The following UQCRC2 variants were observed in gnomAD, a reference collection of about 807,000 sequenced individuals.
UQCRC2 encodes the protein cytochrome b-c1 complex subunit 2, mitochondrial.
In UQCRC2, 49 loss-of-function variants were observed where a neutral mutation model predicts 55.6. The ratio of observed to expected loss-of-function variants is 0.88; its 90% CI spans 0.70 to 1.12. The LOEUF (loss-of-function observed/expected upper bound fraction) is 1.12. UQCRC2 is among the 50% of genes most tolerant of loss of function. The probability of loss-of-function intolerance (pLI) is 0.00; values close to 1 mark genes in which losing one functional copy is unlikely to be tolerated. For synonymous variants in UQCRC2, 193 were observed against 192.0 expected, an observed-to-expected ratio of 1.01 and a Z score of -0.04; for missense variants, 506 against 547.8, an observed-to-expected ratio of 0.92 and a Z score of 0.76.
chr16:21,964,843 C>G (rs1317574659), intron 6 of UQCRC2, among the ~76,000 whole-genome samples: 4 of 152,128 alleles, frequency 2.6e-5, no homozygotes, highest in African/African-American at 9.7e-5. Flanking sequence ...CACAGTGCCT[C>G]GCATAGGCAA....
chr16:21,965,410 G>A lies in UQCRC2; in HGVS notation c.517G>A (p.Val173Ile). 6.2e-7 allele frequency: 1 copy of A among 1,613,746 alleles called. No individual in the cohort carries two copies. Among genetic ancestry groups the A allele is most frequent in the Non-Finnish European group, 8.5e-7 (1 of 1,179,808 alleles). Reference sequence around the variant, plus strand: ...ATGCTTCTTCACTTATCTCACAGATGTCATTGAAAATTTGCATGCAGCAGC... The same window carrying A: ...ATGCTTCTTCACTTATCTCACAGATATCATTGAAAATTTGCATGCAGCAGC... ...AVAFQNPQTH[V>I]IENLHAAAYR... The change falls in exon 7 of 14, where the codon GTC becomes ATC. Residue 173 changes from valine (V) to isoleucine (I), a missense_variant and splice_region_variant. Physicochemically the swap from Val to Ile is conservative, Grantham distance 29. Transcript: ENST00000268379.
At chr16:21,955,269 C>T (rs1205691648) in intron 1 of UQCRC2, among the ~76,000 whole-genome samples, 2 of 152,024 alleles carry the variant, frequency 1.3e-5, no homozygotes, top group East Asian at 1.9e-4. Context: ...AAATTGATGA[C>T]GATAAAGTAA....
chr16:21,968,660 T>C lies in UQCRC2; in HGVS notation c.645T>C (p.Ser215=). Residue 215 remains serine, a synonymous_variant, in exon 8 of 14, where the codon AGT becomes AGC. Transcript: ENST00000268379. The stretch of plus-strand genomic sequence containing the variant: ...ACTTCGTTCAGAACCATTTCACAAG[T>C]GCAAGAATGGCTTTGATTGGACTTG... The part of the protein sequence containing the change: ...LHYFVQNHFT[S]ARMALIGLGV... 6.2e-7 allele frequency: 1 copy of C among 1,610,034 alleles called. No individual in the cohort carries two copies. Among genetic ancestry groups the C allele is most frequent in the Non-Finnish European group, 8.5e-7 (1 of 1,177,880 alleles).
chr16:21,957,736 A>G (rs749417011), intron 3 of UQCRC2, among the ~76,000 whole-genome samples, 170 bp downstream of exon 3: 7 of 152,230 alleles, frequency 4.6e-5, no homozygotes, highest in Non-Finnish European at 1.0e-4. Context: ...ACAGTTCTAG[A>G]GGCTAGAAGT....
intron 11 of UQCRC2, 62 bp downstream of exon 11, chr16:21,974,038 C>A: frequency 6.8e-7 from 1 of 1,469,760 alleles, no homozygotes; most frequent in Non-Finnish European, 9.4e-7. Context: ...CCGCCATAAA[C>A]ATGTTTTCGG....
rs145777261 is a variant in UQCRC2, at chr16:21,974,357, C to T, written c.1047+381C>T. On this transcript the variant is annotated intron_variant, in intron 11 of 13. Transcript: ENST00000268379. ...TGATTGTAGGAAAAGAAAACTAAAG[C>T]TCAATTTCTGGGAAACAACACCATT... Among the ~76,000 whole-genome samples, 6 of 152,170 alleles carry T rather than the reference C, an allele frequency of 3.9e-5. No individual in the cohort carries two copies. The East Asian group carries it at 1.2e-3, about 29-fold the overall frequency.
In UQCRC2 at chr16:21,971,719, C is replaced by G; in HGVS notation, c.766+99C>G. On this transcript the variant is annotated intron_variant, in intron 9 of 13. Transcript: ENST00000268379. ...ATAGGCCTGAATATTTACTACTGAA[C>G]AGTCTCGGCATAGAATTGGATGGCT... is the stretch of plus-strand genomic sequence containing the variant. 4 of 1,362,606 alleles carry G rather than the reference C, an allele frequency of 2.9e-6. No individual in the cohort carries two copies. In the South Asian group the frequency reaches 3.7e-5, roughly 13 times the overall value. The allele number at this position is 1,362,606 out of a possible 1,614,324, so 84.4% of individuals were successfully genotyped here.
Position 21,957,566 on chromosome 16 carries a change from G to T in UQCRC2, c.267G>T (p.Leu89=). 1 of 1,613,812 alleles carries T rather than the reference G, an allele frequency of 6.2e-7. No individual in the cohort carries two copies. The highest frequency in any genetic ancestry group is 8.5e-7 in the Non-Finnish European group (1 of 1,179,936). ...ATTTGCTGCGTCTTACATCCAGTCT[G>T]GTGAGTATCTTCACTTCCTCAAGTG... The part of the protein sequence containing the change: ...TTHLLRLTSS[L]TTKGASSFKI... The change falls in exon 3 of 14, where the codon CTG becomes CTT. Residue 89 remains leucine, a splice_region_variant and synonymous_variant. Coordinates refer to ENST00000268379, the MANE Select transcript of UQCRC2 (RefSeq NM_003366.4).
At chr16:21,981,036 G>T (rs1898713011) in intron 13 of UQCRC2, among the ~76,000 whole-genome samples, 1 of 152,100 alleles carries the variant, frequency 6.6e-6, no homozygotes, top group Non-Finnish European at 1.5e-5. Context: ...TTTATAAAAT[G>T]GGCTTATGTT....
intron 6 of UQCRC2, 56 bp downstream of exon 6, chr16:21,962,941 C>G (rs953751720): frequency 1.4e-5 from 22 of 1,538,690 alleles, no homozygotes; most frequent in Middle Eastern, 1.8e-4. Context: ...TTTAGAAGAT[C>G]AATTTATAGA....
intron 4 of UQCRC2, chr16:21,959,370 C>G (rs1360244688): frequency 7.3e-6 from 2 of 274,828 alleles, no homozygotes; most frequent in African/African-American, 2.3e-5. Context: ...GGAGCAGATT[C>G]TATCTCAAGA....
Position 21,962,770 on chromosome 16 carries a change from A to G in UQCRC2, c.399A>G (p.Leu133=), listed in dbSNP as rs1391040700. ...VECLRGDVDI[L]MEFLLNVTTA... ...TCGATGTCTTCTGTAGTGATATTCT[A>G]ATGGAGTTCCTGCTCAATGTCACCA... is the stretch of plus-strand genomic sequence containing the variant. The change falls in exon 6 of 14, where the codon CTA becomes CTG. Residue 133 remains leucine, a synonymous_variant. Transcript: ENST00000268379. The G allele has an allele frequency of 1.9e-6, 3 of 1,614,134 alleles. No homozygotes were observed. Among genetic ancestry groups the G allele is most frequent in the South Asian group, 1.1e-5 (1 of 91,080 alleles).
Position 21,958,517 on chromosome 16 carries a change from C to T in UQCRC2, c.268-18C>T. 6.2e-7 allele frequency: 1 copy of T among 1,610,378 alleles called. No homozygotes were observed. Among genetic ancestry groups the T allele is most frequent in the Non-Finnish European group, 8.5e-7 (1 of 1,177,968 alleles). ...GGCATTGAAAAGCTACAAAGATAAT[C>T]ATTCTTTCTTTTTCAAGACGACAAA... is the stretch of plus-strand genomic sequence containing the variant. On this transcript the variant is annotated intron_variant, in intron 3 of 13. Transcript: ENST00000268379.
intron 12 of UQCRC2, 167 bp from the exon 13 acceptor site, chr16:21,980,380 T>A: frequency 2.8e-6 from 2 of 727,026 alleles, no homozygotes; most frequent in Non-Finnish European, 4.4e-6. Flanking sequence ...TTTAGTATGT[T>A]CCAGAGAAGG....
At chr16:21,973,686 A>C (rs1470517054) in intron 10 of UQCRC2, among the ~76,000 whole-genome samples, 1 of 152,222 alleles carries the variant, frequency 6.6e-6, no homozygotes, top group Non-Finnish European at 1.5e-5. Flanking sequence ...CATTTTAGAA[A>C]TATTTAAATG....
intron 9 of UQCRC2, 36 bp downstream of exon 9, chr16:21,971,656 A>G (rs772967686): frequency 5.6e-6 from 9 of 1,597,492 alleles, no homozygotes; most frequent in Non-Finnish European, 7.7e-6. Context: ...AATTTATCAG[A>G]AGGGCGTTTC....
At position 21,962,838 on chromosome 16, in the gene UQCRC2, C is replaced by T; in HGVS notation, c.467C>T (p.Pro156Leu). 6.2e-7 allele frequency: 1 copy of T among 1,614,096 alleles called. No individual in the cohort carries two copies. Among genetic ancestry groups the T allele is most frequent in the South Asian group, 1.1e-5 (1 of 91,076 alleles). ...CGTTGGGAAGTAGCTGACCTTCAGC[C>T]TCAGCTAAAGATTGACAAAGCTGTG... ...FRRWEVADLQ[P>L]QLKIDKAVAF... Residue 156 changes from proline to leucine, a missense_variant, in exon 6 of 14, where the codon CCT becomes CTT. Pro to Leu is a moderately conservative substitution (Grantham distance 98). Transcript: ENST00000268379.
In UQCRC2 at chr16:21,983,209, TC is replaced by T; in HGVS notation, c.*39del. The T allele has an allele frequency of 6.3e-7, 1 of 1,580,736 alleles. No individual in the cohort carries two copies. The highest frequency in any genetic ancestry group is 8.7e-7 in the Non-Finnish European group (1 of 1,153,084). On this transcript the variant is annotated 3_prime_UTR_variant, in exon 14 of 14. Transcript: ENST00000268379. ...CATTACAGGAGAGAGCTGAACGTTC[TC>T]TCAGCCCAGAGCAGCAAACACATGA...
chr16:21,965,463 G>T lies in UQCRC2; in HGVS notation c.570G>T (p.Leu190Phe). Residue 190 changes from leucine (L) to phenylalanine (F), a missense_variant, in exon 7 of 14, where the codon TTG (leucine) becomes TTT (phenylalanine). Leu to Phe is a conservative substitution (Grantham distance 22, BLOSUM62 0). Transcript: ENST00000268379. ...ACCGGAATGCCTTGGCTAATCCCTT[G>T]TATTGTCCTGACTATAGGATTGGAA... is the stretch of plus-strand genomic sequence containing the variant. ...AAYRNALANPLYCPDYRIGKV... is the reference protein window; with the variant it reads ...AAYRNALANPFYCPDYRIGKV... 1 of 1,613,724 alleles carries T rather than the reference G, an allele frequency of 6.2e-7. No individual in the cohort carries two copies. Among genetic ancestry groups the T allele is most frequent in the Non-Finnish European group, 8.5e-7 (1 of 1,179,890 alleles).
Sources: gnomAD v4.1 joint callset for allele counts (sites outside exome capture counted in the v4.1 genomes callset) on GRCh38, gnomAD v4.1.1 for gene constraint, MANE v1.5 for transcripts, NCBI Gene and HGNC (gene_info 2026-07-23, HGNC 2026-07-21) for gene names.